Variants in KIF16B observed in about 807,000 individuals in gnomAD.
KIF16B encodes kinesin-like protein KIF16B.
KIF16B carries 98 observed loss-of-function variants against 156.3 expected under a neutral mutation model. The ratio of observed to expected loss-of-function variants is 0.63; its 90% CI spans 0.53 to 0.74. KIF16B has a LOEUF of 0.74. Among genes scored for constraint, KIF16B ranks in the 30% least tolerant of loss-of-function variants. The pLI is 0.00. For synonymous variants in KIF16B, 564 were observed against 583.7 expected (o/e 0.97, Z 0.49); for missense variants, 1,421 against 1,606.5 (o/e 0.88, Z 1.97).
intron 20 of KIF16B, among the ~76,000 whole-genome samples, chr20:16,372,825 G>A (rs1305457572): frequency 6.6e-6 from 1 of 152,144 alleles, no homozygotes. Context: ...AGCCTCCCAG[G>A]TAGCTGGGAT....
At chr20:16,466,590 C>T (rs2146716962) in intron 12 of KIF16B, among the ~76,000 whole-genome samples, 1 of 152,330 alleles carries the variant, frequency 6.6e-6, no homozygotes, top group South Asian at 2.1e-4. Context: ...TAAGACGTGA[C>T]TTTGCTCCTC....
intron 21 of KIF16B, 114 bp downstream of exon 21, chr20:16,371,551 C>T (rs1174823395): frequency 3.2e-6 from 2 of 628,606 alleles, no homozygotes; most frequent in Non-Finnish European, 5.4e-6. Flanking sequence ...GATGGTGCCA[C>T]TGCACTCCAG....
rs2065101605 is a variant in KIF16B at position 16,381,729 on chromosome 20, T to C, written c.1803A>G (p.Gln601=). Residue 601 remains glutamine (Q), a synonymous_variant, in exon 18 of 26, where the codon CAA becomes CAG. Transcript: ENST00000354981. ...LYNPGLEFER[Q]QREELEKLES... The stretch of plus-strand genomic sequence containing the variant: ...CTAATTTTTCAAGTTCTTCACGCTG[T>C]TGCCTCTCAAATTCAAGTCTAATAA... The C allele has an allele frequency of 6.2e-7, 1 of 1,611,976 alleles. No homozygotes were observed. Among genetic ancestry groups the C allele is most frequent in the Non-Finnish European group, 8.5e-7 (1 of 1,178,820 alleles).
intron 19 of KIF16B, among the ~76,000 whole-genome samples, chr20:16,377,984 T>C (rs2064994543): frequency 6.6e-6 from 1 of 152,178 alleles, no homozygotes; most frequent in African/African-American, 2.4e-5. Context: ...AATATCCCAC[T>C]GTGTTCAGAA....
intron 10 of KIF16B, among the ~76,000 whole-genome samples, chr20:16,500,730 C>G (rs1269107001): frequency 1.5e-4 from 23 of 152,142 alleles, no homozygotes; most frequent in Admixed American, 1.4e-3. Context: ...TCCATTCTTA[C>G]AAACACCATA....
chr20:16,353,483 T>A (rs964607130), intron 23 of KIF16B, among the ~76,000 whole-genome samples: 2 of 152,224 alleles, frequency 1.3e-5, no homozygotes, highest in Non-Finnish European at 2.9e-5. Flanking sequence ...TATTTCTTTT[T>A]AATAACAAAC....
At chr20:16,300,680 T>G (rs1202428233) in intron 25 of KIF16B, among the ~76,000 whole-genome samples, 1 of 152,158 alleles carries the variant, frequency 6.6e-6, no homozygotes, top group Non-Finnish European at 1.5e-5. Context: ...AAAATAGATT[T>G]TACTTCTTAG....
rs569816414 is a variant in KIF16B at position 16,288,148 on chromosome 20, C to T, written c.3796-14737G>A. Among the ~76,000 whole-genome samples, 11 of 152,312 alleles carry T rather than the reference C, an allele frequency of 7.2e-5. No homozygotes were observed. The East Asian group carries it at 2.1e-3, about 29-fold the overall frequency. Reference sequence around the variant, plus strand: ...GAGGCACACTATGGCTGTTTGAGCTCTAATGCAGCACCATGAGCAGGGATC... The same window carrying T: ...GAGGCACACTATGGCTGTTTGAGCTTTAATGCAGCACCATGAGCAGGGATC... On this transcript the variant is annotated intron_variant, in intron 25 of 25. Coordinates refer to ENST00000354981, the MANE Select transcript of KIF16B (RefSeq NM_024704.5).
At chr20:16,487,753 T>C (rs2068164331) in intron 12 of KIF16B, among the ~76,000 whole-genome samples, 2 of 152,188 alleles carry the variant, frequency 1.3e-5, no homozygotes, top group Non-Finnish European at 2.9e-5. Context: ...ACCCCTGCCA[T>C]GGCCCTGTAG....
At chr20:16,382,219 G>A (rs1413251891) in intron 17 of KIF16B, 2 of 788,354 alleles carry the variant, frequency 2.5e-6, no homozygotes, top group East Asian at 6.6e-5. Context: ...AATATCAGGA[G>A]AAAAGCAGTA....
At chr20:16,562,416 T>A (rs541775383) in intron 1 of KIF16B, among the ~76,000 whole-genome samples, 14 of 149,376 alleles carry the variant, frequency 9.4e-5, no homozygotes, top group Non-Finnish European at 1.5e-4. Context: ...CAGCCCTCCG[T>A]CACCCCTCAC....
At position 16,356,365 on chromosome 20, in the gene KIF16B, G is replaced by A; in HGVS notation, c.3586C>T (p.Gln1196Ter). The stretch of plus-strand genomic sequence containing the variant: ...AACTCGAAGTGTGCATCCTTTCCTT[G>A]CCCGCAGAGGACGTAGCGTGGGATA... ...ISIPRYVLCG[Q>*]GKDAHFEFEV... is the part of the protein sequence containing the mutation. The change falls in exon 23 of 26, where the codon CAA becomes TAA. Residue 1196 changes from glutamine (Q) to a stop codon, truncating the protein, a stop_gained. Transcript: ENST00000354981. LOFTEE classifies it high-confidence loss of function. The A allele has an allele frequency of 6.2e-7, 1 of 1,614,130 alleles. No homozygotes were observed. Among genetic ancestry groups the A allele is most frequent in the Middle Eastern group, 1.6e-4 (1 of 6,062 alleles).
intron 3 of KIF16B, among the ~76,000 whole-genome samples, chr20:16,521,298 G>C (rs1315194164): frequency 6.6e-6 from 1 of 151,974 alleles, no homozygotes; most frequent in East Asian, 1.9e-4. Flanking sequence ...TTGCTAACTA[G>C]AATAACCAGT....
rs202187640 is a variant in KIF16B, at chr20:16,424,418, C to A, written c.1612+2686G>T. Among the ~76,000 whole-genome samples, 10 of 152,168 alleles carry A rather than the reference C, an allele frequency of 6.6e-5. No individual in the cohort carries two copies. The East Asian group carries it at 1.9e-3, about 30-fold the overall frequency. On this transcript the variant is annotated intron_variant, in intron 15 of 25. Coordinates refer to ENST00000354981, the MANE Select transcript of KIF16B (RefSeq NM_024704.5). ...TTTCCTTCATTTCTGAGGTACCTTC[C>A]TGCAATTGACTTCTGCTTACAAACT... is the stretch of plus-strand genomic sequence containing the variant.
At chr20:16,485,906 T>C (rs1460293811) in intron 12 of KIF16B, among the ~76,000 whole-genome samples, 2 of 152,120 alleles carry the variant, frequency 1.3e-5, no homozygotes, top group East Asian at 3.9e-4. Flanking sequence ...TATATACATA[T>C]ATATGTGTAT....
At chr20:16,399,289 C>T (rs1206692319) in intron 17 of KIF16B, among the ~76,000 whole-genome samples, 2 of 152,140 alleles carry the variant, frequency 1.3e-5, no homozygotes, top group African/African-American at 4.8e-5. Flanking sequence ...TCTGGGGTGA[C>T]ATGTGTGGCT....
chr20:16,364,295 C>A (rs1360477744), intron 22 of KIF16B, among the ~76,000 whole-genome samples: 1 of 152,192 alleles, frequency 6.6e-6, no homozygotes, highest in Non-Finnish European at 1.5e-5. Context: ...GATGAAATCA[C>A]TATTTCAAAA....
chr20:16,368,340 A>G, intron 22 of KIF16B: 2 of 989,896 alleles, frequency 2.0e-6, no homozygotes, highest in Non-Finnish European at 2.4e-6. Flanking sequence ...GGCTCCCTGC[A>G]GCTTCGCTCT....
chr20:16,410,074 CAT>C (rs145456992), intron 15 of KIF16B, among the ~76,000 whole-genome samples: 2,820 of 54,380 alleles, frequency 0.052, 353 homozygotes, highest in East Asian at 0.23. Flanking sequence ...TATGTAGGTA[CAT>C]ATATATATAT....
Sources: gnomAD v4.1 joint callset for allele counts (sites outside exome capture counted in the v4.1 genomes callset) on GRCh38, gnomAD v4.1.1 for gene constraint, MANE v1.5 for transcripts, NCBI Gene and HGNC (gene_info 2026-07-23, HGNC 2026-07-21) for gene names.